FGD2: variants seen among roughly 807,000 people sequenced by gnomAD.
The protein encoded by FGD2 is FYVE, RhoGEF and PH domain-containing protein 2.
A neutral mutation model predicts 75.9 loss-of-function variants in FGD2; 52 were observed. The observed-to-expected ratio is 0.69, with a 90% CI of 0.55 to 0.86. The LOEUF (loss-of-function observed/expected upper bound fraction) is 0.86, where lower values mean the gene tolerates loss of function less well. FGD2 is among the 40% of genes least tolerant of loss of function. The pLI is 0.00. For missense variants in FGD2, 790 were observed against 872.0 expected (o/e 0.91, Z 1.18); for synonymous variants, 347 against 348.6 (o/e 1.00, Z 0.05).
rs1437176323 is a variant in FGD2 at position 37,028,168 on chromosome 6, C to T, written c.*5C>T. 6.4e-7 allele frequency: 1 copy of T among 1,550,814 alleles called. No homozygotes were observed. Among genetic ancestry groups the T allele is most frequent in the South Asian group, 1.2e-5 (1 of 84,112 alleles). On this transcript the variant is annotated 3_prime_UTR_variant, in exon 16 of 16. Transcript: ENST00000274963. ...GATGGGGACCTGTCCGACTGAGCCA[C>T]TGCCAGCCGCTCTCCTGCCCACCTC...
At chr6:37,020,862 A>AAGGGG in intron 11 of FGD2, 123 bp downstream of exon 11, 2 of 1,308,486 alleles carry the variant, frequency 1.5e-6, no homozygotes. Flanking sequence ...ATTTGGGCTG[A>AAGGGG]AGGGGAGGGA....
At position 37,007,250 on chromosome 6, in the gene FGD2, C is replaced by A. The variant is rs13202159; in HGVS notation, c.68+1365C>A. Among the ~76,000 whole-genome samples, 1,517 of 152,312 alleles carry A rather than the reference C, an allele frequency of 1.0e-2. 19 individuals carry two copies. Among genetic ancestry groups the A allele is most frequent in the Non-Finnish European group, 0.014 (961 of 68,016 alleles). On this transcript the variant is annotated intron_variant, in intron 1 of 15. Coordinates refer to ENST00000274963, the MANE Select transcript of FGD2 (RefSeq NM_173558.4). ...GATGCTGTATTGAGGGCACTCATGGCAGGCAATGTTTCCTGTAGGCTTCAG... is the reference window on the plus strand; with the variant it reads ...GATGCTGTATTGAGGGCACTCATGGAAGGCAATGTTTCCTGTAGGCTTCAG...
intron 1 of FGD2, 76 bp downstream of exon 1, chr6:37,005,961 C>A: frequency 2.0e-6 from 3 of 1,528,940 alleles, no homozygotes; most frequent in Admixed American, 1.9e-5. Context: ...AGCTCTCTCC[C>A]TGGGCCCTGC....
At chr6:37,010,665 G>A (rs1389331171) in intron 2 of FGD2, among the ~76,000 whole-genome samples, 3 of 152,150 alleles carry the variant, frequency 2.0e-5, no homozygotes, top group Non-Finnish European at 2.9e-5. Context: ...CTCTCCACGT[G>A]GCCTGTCCAT....
chr6:37,015,102 G>A (rs906823407), intron 8 of FGD2, 64 bp downstream of exon 8: 12 of 1,556,590 alleles, frequency 7.7e-6, no homozygotes, highest in South Asian at 4.8e-5. Flanking sequence ...ACTCTGGCCC[G>A]AGTCATACTG....
chr6:37,028,239 T>G lies in FGD2; in HGVS notation c.*76T>G. The G allele has an allele frequency of 7.4e-7, 1 of 1,351,054 alleles. No individual in the cohort carries two copies. Among genetic ancestry groups the G allele is most frequent in the Non-Finnish European group, 9.8e-7 (1 of 1,016,744 alleles). The allele number at this position is 1,351,054 out of a possible 1,614,324, so 83.7% of individuals were successfully genotyped here. A position where few individuals can be genotyped will look rare whatever the true frequency, so the allele number is the denominator to read the frequency against. The stretch of plus-strand genomic sequence containing the variant: ...CCTGCCACAGACTGACCCTGTGGCC[T>G]CAGTGACCCACTGCCCCAAGTGGTG... On this transcript the variant is annotated 3_prime_UTR_variant, in exon 16 of 16. Coordinates refer to ENST00000274963, the MANE Select transcript of FGD2 (RefSeq NM_173558.4).
intron 15 of FGD2, 149 bp from the exon 16 acceptor site, chr6:37,027,799 C>T: frequency 4.8e-6 from 5 of 1,045,442 alleles, no homozygotes; most frequent in Non-Finnish European, 6.9e-6. Context: ...TTCTTCTGTC[C>T]TCTTCCTCGA....
At chr6:37,016,391 C>T (rs575753999) in intron 9 of FGD2, among the ~76,000 whole-genome samples, 6 of 152,228 alleles carry the variant, frequency 3.9e-5, no homozygotes, top group South Asian at 2.1e-4. Flanking sequence ...GTCAGCTCAG[C>T]GGCTGGCTTG....
chr6:37,010,708 G>C (rs1764962612), intron 2 of FGD2, among the ~76,000 whole-genome samples: 1 of 152,278 alleles, frequency 6.6e-6, no homozygotes, highest in African/African-American at 2.4e-5. Context: ...CAGACCCCTT[G>C]ATGTAGTGAT....
At chr6:37,027,685 T>G in intron 15 of FGD2, 110 bp downstream of exon 15, 1 of 1,345,234 alleles carries the variant, frequency 7.4e-7, no homozygotes, top group Non-Finnish European at 1.0e-6. Flanking sequence ...ATAGGGAAAC[T>G]GAGGCCCAAT....
intron 4 of FGD2, 99 bp from the exon 5 acceptor site, chr6:37,013,509 GT>G: frequency 6.6e-7 from 1 of 1,516,210 alleles, no homozygotes; most frequent in Non-Finnish European, 8.8e-7. Flanking sequence ...GCCGTGGAAA[GT>G]TTGCTTTGGG....
chr6:37,007,220 G>A (rs1764794871), intron 1 of FGD2, among the ~76,000 whole-genome samples: 2 of 152,302 alleles, frequency 1.3e-5, no homozygotes, highest in Middle Eastern at 3.4e-3. Flanking sequence ...CCTAGGAATG[G>A]CCCGGATGCT....
chr6:37,023,264 C>T (rs902016046), intron 13 of FGD2: 2 of 154,846 alleles, frequency 1.3e-5, no homozygotes, highest in Middle Eastern at 5.1e-4. Context: ...TCCTTAACTC[C>T]GCCATGGGGA....
chr6:37,020,665 G>A, intron 10 of FGD2, 44 bp from the exon 11 acceptor site: 1 of 1,581,114 alleles, frequency 6.3e-7, no homozygotes, highest in Non-Finnish European at 8.6e-7. Context: ...GGGAAAACTG[G>A]GAGGGGCTGA....
In FGD2 at chr6:37,022,243, A is replaced by C; in HGVS notation, c.1331A>C (p.Gln444Pro). Residue 444 changes from glutamine to proline, a missense_variant, in exon 13 of 16, where the codon CAG becomes CCG. Coordinates refer to ENST00000274963, the MANE Select transcript of FGD2 (RefSeq NM_173558.4). ...PEGDIQEQEL[Q>P]SEELGLRAPQ... Reference sequence around the variant, plus strand: ...CCAACTCCCCTTAACCCACAGCTGCAGTCTGAGGAGCTGGGCCTCCGGGCA... The same window carrying C: ...CCAACTCCCCTTAACCCACAGCTGCCGTCTGAGGAGCTGGGCCTCCGGGCA... The C allele has an allele frequency of 6.3e-7, 1 of 1,597,898 alleles. No individual in the cohort carries two copies. Among genetic ancestry groups the C allele is most frequent in the Non-Finnish European group, 8.5e-7 (1 of 1,171,814 alleles).
At chr6:37,025,578 C>G (rs937523768) in intron 13 of FGD2, 8 of 583,078 alleles carry the variant, frequency 1.4e-5, no homozygotes, top group South Asian at 2.0e-5. Context: ...CTAAGAGCCC[C>G]GAGCCCGAGC....
At chr6:37,013,866 C>T (rs1226002750) in intron 5 of FGD2, 96 bp from the exon 6 acceptor site, 1 of 1,583,614 alleles carries the variant, frequency 6.3e-7, no homozygotes, top group Admixed American at 1.7e-5. Context: ...TCAGCTGCTT[C>T]CATAGGCCCC....
chr6:37,027,239 C>T (rs1765869351), intron 14 of FGD2, among the ~76,000 whole-genome samples, 190 bp from the exon 15 acceptor site: 1 of 152,202 alleles, frequency 6.6e-6, no homozygotes, highest in Non-Finnish European at 1.5e-5. Flanking sequence ...GGTTTGACTG[C>T]AGCTCTGCCA....
intron 11 of FGD2, 117 bp downstream of exon 11, chr6:37,020,856 G>A: frequency 1.5e-6 from 2 of 1,375,062 alleles, no homozygotes; most frequent in Non-Finnish European, 2.0e-6. Flanking sequence ...TAGCCTATTT[G>A]GGCTGAAGGG....
Sources: allele counts gnomAD v4.1 joint callset (sites outside exome capture counted in the v4.1 genomes callset), GRCh38; gene constraint gnomAD v4.1.1; transcripts MANE v1.5; gene names NCBI Gene and HGNC (gene_info 2026-07-23, HGNC 2026-07-21).